Variants in TRPC4AP observed in about 807,000 individuals in gnomAD.
TRPC4AP encodes the protein transient receptor potential cation channel subfamily C member 4 associated protein.
In TRPC4AP, 45 loss-of-function variants were observed where a neutral mutation model predicts 99.0. That is an observed-to-expected ratio of 0.45 (90% CI 0.36 to 0.58). The LOEUF is 0.58. TRPC4AP is among the 20% of genes least tolerant of loss of function. The pLI is 0.00. For missense variants in TRPC4AP, 879 were observed against 985.3 expected (o/e 0.89, Z 1.44); for synonymous variants, 408 against 385.8 (o/e 1.06, Z -0.67).
At chr20:35,065,865 T>C (rs543224552) in intron 3 of TRPC4AP, among the ~76,000 whole-genome samples, 2 of 152,266 alleles carry the variant, frequency 1.3e-5, no homozygotes, top group Non-Finnish European at 2.9e-5. Context: ...TCTTACTAAG[T>C]AGATTTCTTG....
At chr20:35,090,828 T>C (rs1262614129) in intron 1 of TRPC4AP, among the ~76,000 whole-genome samples, 1 of 152,226 alleles carries the variant, frequency 6.6e-6, no homozygotes, top group East Asian at 1.9e-4. Flanking sequence ...TTTAGGAACA[T>C]ATCATCTAAC....
chr20:35,062,022 G>A (rs1479019343), intron 3 of TRPC4AP, among the ~76,000 whole-genome samples: 1 of 152,102 alleles, frequency 6.6e-6, no homozygotes, highest in African/African-American at 2.4e-5. Flanking sequence ...CAGATGAACA[G>A]ACATTTCTCC....
At chr20:35,004,296 CTG>C (rs957216483) in intron 17 of TRPC4AP, among the ~76,000 whole-genome samples, 160 bp downstream of exon 17, 1 of 152,184 alleles carries the variant, frequency 6.6e-6, no homozygotes, top group African/African-American at 2.4e-5. Context: ...TAGGCCCTGT[CTG>C]TACAATGGGA....
At chr20:35,022,938 G>A (rs940426400) in intron 8 of TRPC4AP, among the ~76,000 whole-genome samples, 3 of 151,754 alleles carry the variant, frequency 2.0e-5, no homozygotes, top group Non-Finnish European at 4.4e-5. Context: ...TGGAAGGATC[G>A]CTTGAGCCTG....
chr20:35,090,377 C>CCTTTTTT (rs2085021164), intron 1 of TRPC4AP, among the ~76,000 whole-genome samples: 1 of 88,992 alleles, frequency 1.1e-5, no homozygotes, highest in Non-Finnish European at 2.0e-5. Context: ...ATCTGGTGAG[C>CCTTTTTT]TTTTTTTTTT....
At chr20:35,066,886 C>A (rs79439610) in intron 3 of TRPC4AP, among the ~76,000 whole-genome samples, 12,318 of 151,878 alleles carry the variant, frequency 0.081, 587 homozygotes, top group South Asian at 0.13. Context: ...ATAATCAAAT[C>A]GAAAAAGGTG....
chr20:35,016,199 C>T lies in TRPC4AP; in HGVS notation c.1219-60G>A, dbSNP rs182243705. 1.8e-4 allele frequency: 293 copies of T among 1,598,982 alleles called. 1 individual carries two copies. In the East Asian group the frequency reaches 6.4e-3, roughly 35 times the overall value. On this transcript the variant is annotated intron_variant, in intron 9 of 18. Transcript: ENST00000252015. ...AATGTGCTTGAAAAATCTAGCAAAA[C>T]CTCGTGCTCAGTACACACGATAATG... is the stretch of plus-strand genomic sequence containing the variant.
At chr20:35,046,611 A>C (rs2083566918) in intron 6 of TRPC4AP, among the ~76,000 whole-genome samples, 1 of 152,152 alleles carries the variant, frequency 6.6e-6, no homozygotes, top group African/African-American at 2.4e-5. Flanking sequence ...TGATTCCTAG[A>C]AGCTCTCATG....
chr20:35,047,099 G>T (rs2083576342), intron 6 of TRPC4AP, among the ~76,000 whole-genome samples: 1 of 152,152 alleles, frequency 6.6e-6, no homozygotes, highest in Non-Finnish European at 1.5e-5. Context: ...CTGACCTCAA[G>T]TGATCTGCCC....
chr20:35,067,160 G>A (rs2084165980), intron 3 of TRPC4AP, among the ~76,000 whole-genome samples: 1 of 152,180 alleles, frequency 6.6e-6, no homozygotes, highest in African/African-American at 2.4e-5. Flanking sequence ...AGACCACAAT[G>A]AGATGTCTCT....
At chr20:35,021,140 C>G (rs1192102381) in intron 9 of TRPC4AP, 50 bp downstream of exon 9, 1 of 1,584,160 alleles carries the variant, frequency 6.3e-7, no homozygotes, top group Non-Finnish European at 8.6e-7. Flanking sequence ...ACCATGAGCA[C>G]CCGGGCAGCA....
chr20:35,085,490 A>C (rs997814047), intron 1 of TRPC4AP, among the ~76,000 whole-genome samples: 3 of 151,850 alleles, frequency 2.0e-5, no homozygotes, highest in African/African-American at 7.3e-5. Context: ...GCATGCGCCT[A>C]TAGTCCCAGA....
chr20:35,016,071 C>T lies in TRPC4AP; in HGVS notation c.1287G>A (p.Trp429Ter). 6.2e-7 allele frequency: 1 copy of T among 1,614,148 alleles called. No individual in the cohort carries two copies. Among genetic ancestry groups the T allele is most frequent in the Non-Finnish European group, 8.5e-7 (1 of 1,180,044 alleles). Residue 429 changes from tryptophan to a stop codon, truncating the protein, a stop_gained, in exon 10 of 19, where the codon TGG becomes TGA. Transcript: ENST00000252015. LOFTEE classifies it high-confidence loss of function. ...GLNNLFDKLI[W>*]RKHSASALVL... ...CAAGGGCAGATGCTGAATGCTTCCT[C>T]CAAATCAGTTTGTCAAACAAATTAT...
chr20:35,028,098 GATTT>G (rs1320203807), intron 8 of TRPC4AP, among the ~76,000 whole-genome samples: 2 of 152,018 alleles, frequency 1.3e-5, no homozygotes, highest in Non-Finnish European at 1.5e-5. Context: ...AGGCAATTTA[GATTT>G]ATTTAAAAAT....
chr20:35,044,400 G>GAAAA, intron 7 of TRPC4AP, 105 bp downstream of exon 7: 70 of 879,056 alleles, frequency 8.0e-5, no homozygotes, highest in Non-Finnish European at 8.6e-5. Context: ...CTCAAAAAAG[G>GAAAA]AAAAAAAAAA....
Position 35,078,080 on chromosome 20 carries a change from T to C in TRPC4AP, c.263A>G (p.His88Arg), listed in dbSNP as rs2084530574. ...LLKLHTTSHL[H>R]SDFVECQNIL... The stretch of plus-strand genomic sequence containing the variant: ...GTTTTGACACTCAACAAAGTCACTG[T>C]GGAGGTGGCTGGTGGTGTGCAGCTT... Residue 88 changes from histidine (H) to arginine (R), a missense_variant, in exon 2 of 19, where the codon CAC (histidine) becomes CGC (arginine). Transcript: ENST00000252015. 1.2e-6 allele frequency: 2 copies of C among 1,613,818 alleles called. No individual in the cohort carries two copies. Among genetic ancestry groups the C allele is most frequent in the Non-Finnish European group, 1.7e-6 (2 of 1,179,872 alleles).
At chr20:35,088,172 A>G (rs188751037) in intron 1 of TRPC4AP, among the ~76,000 whole-genome samples, 8 of 152,238 alleles carry the variant, frequency 5.3e-5, no homozygotes, top group African/African-American at 1.9e-4. Flanking sequence ...TGTTTCAGTC[A>G]CTATTTTAAG....
chr20:35,027,591 T>C (rs1219969663), intron 8 of TRPC4AP, among the ~76,000 whole-genome samples: 1 of 152,198 alleles, frequency 6.6e-6, no homozygotes, highest in East Asian at 1.9e-4. Flanking sequence ...CTGGAAAGTA[T>C]TGGTGTGAAT....
At position 35,006,555 on chromosome 20, in the gene TRPC4AP, C is replaced by G; in HGVS notation, c.1707G>C (p.Val569=). 6.2e-7 allele frequency: 1 copy of G among 1,614,170 alleles called. No individual in the cohort carries two copies. ...CATCCCTTGACTTACACTCGCTGTC[C>G]ACAATGCAGTAAAGGATGTGCTGGG... ...GLLEHILYCI[V]DSECKSRDVL... is the part of the protein sequence containing the mutation. The change falls in exon 15 of 19, where the codon GTG becomes GTC. Residue 569 remains valine (V), a synonymous_variant. Transcript: ENST00000252015.
Sources: allele counts gnomAD v4.1 joint callset (sites outside exome capture counted in the v4.1 genomes callset), GRCh38; gene constraint gnomAD v4.1.1; transcripts MANE v1.5; gene names NCBI Gene and HGNC (gene_info 2026-07-23, HGNC 2026-07-21).